Variants in PDE6B observed in about 807,000 individuals in gnomAD.
PDE6B encodes the protein rod cGMP-specific 3',5'-cyclic phosphodiesterase subunit beta.
Under a neutral mutation model 109.0 loss-of-function variants are expected in PDE6B, and 106 were observed. That is an observed-to-expected ratio of 0.97 (90% CI 0.83 to 1.14). PDE6B has a LOEUF of 1.14. Ranked by LOEUF, PDE6B falls within the 50% of genes most tolerant of loss-of-function variation. The pLI, the probability that PDE6B is intolerant of heterozygous loss-of-function variation, is 0.00. For synonymous variants in PDE6B, 490 were observed against 471.3 expected, an observed-to-expected ratio of 1.04 and a Z score of -0.51; for missense variants, 1,193 against 1,155.6, an observed-to-expected ratio of 1.03 and a Z score of -0.47.
At chr4:639,532 G>A (rs1440345204) in intron 3 of PDE6B, among the ~76,000 whole-genome samples, 1 of 152,226 alleles carries the variant, frequency 6.6e-6, no homozygotes, top group Non-Finnish European at 1.5e-5. Flanking sequence ...AGGGGGAGAA[G>A]TGGGGAGCCC....
At chr4:640,408 G>T (rs556963879) in intron 3 of PDE6B, among the ~76,000 whole-genome samples, 1 of 151,890 alleles carries the variant, frequency 6.6e-6, no homozygotes, top group African/African-American at 2.4e-5. Context: ...GCATGGTGGC[G>T]GGCACCTGTA....
rs762197931 is a variant in PDE6B at position 664,864 on chromosome 4, C to G, written c.2130-17C>G. ...AGGAGACGCCCATCAGCACTCGTGC[C>G]CGGTTTGTGTCTGCAGGGCCATGAT... On this transcript the variant is annotated splice_polypyrimidine_tract_variant and intron_variant, in intron 17 of 21. Coordinates refer to ENST00000496514, the MANE Select transcript of PDE6B (RefSeq NM_000283.4). 3 of 1,610,802 alleles carry G rather than the reference C, an allele frequency of 1.9e-6. No individual in the cohort carries two copies. The African/African-American group carries it at 4.0e-5, about 21-fold the overall frequency.
chr4:663,831 A>G lies in PDE6B; in HGVS notation c.1982A>G (p.Asp661Gly). 1 of 1,612,266 alleles carries G rather than the reference A, an allele frequency of 6.2e-7. No homozygotes were observed. Among genetic ancestry groups the G allele is most frequent in the Non-Finnish European group, 8.5e-7 (1 of 1,179,324 alleles). The change falls in exon 16 of 22, where the codon GAC becomes GGC. Residue 661 changes from aspartate to glycine, a missense_variant. Physicochemically the swap from Asp to Gly is moderately conservative, Grantham distance 94. Coordinates refer to ENST00000496514, the MANE Select transcript of PDE6B (RefSeq NM_000283.4). The surrounding 1 kb of genome is among the most constrained non-coding windows in gnomAD (Gnocchi z 4.0). The part of the protein sequence containing the change: ...RQHEHVIHLM[D>G]IAIIATDLAL... Reference sequence around the variant, plus strand: ...CACGAGCACGTGATCCACCTGATGGACATCGCCATCATCGCCACGGACCTG... The same window carrying G: ...CACGAGCACGTGATCCACCTGATGGGCATCGCCATCATCGCCACGGACCTG...
rs1272997757 is a variant in PDE6B at position 662,357 on chromosome 4, G to T, written c.1722+116G>T. The T allele has an allele frequency of 8.5e-6, 7 of 823,910 alleles. No individual in the cohort carries two copies. The highest frequency in any genetic ancestry group is 1.4e-5 in the Non-Finnish European group (7 of 486,764). 51.0% of individuals were successfully genotyped at this position (823,910 alleles called of 1,614,324 possible). A position where few individuals can be genotyped will look rare whatever the true frequency, so the allele number is the denominator to read the frequency against. ...TCCCAGGGCAGAAGGATGGAGGAGGGCAACGCCCTCTGACACCGTGCACCG... is the reference window on the plus strand; with the variant it reads ...TCCCAGGGCAGAAGGATGGAGGAGGTCAACGCCCTCTGACACCGTGCACCG... On this transcript the variant is annotated intron_variant, in intron 13 of 21. Coordinates refer to ENST00000496514, the MANE Select transcript of PDE6B (RefSeq NM_000283.4). This position sits in a 1 kb window ranked among gnomAD's most constrained non-coding sequence, Gnocchi z 4.3.
intron 3 of PDE6B, among the ~76,000 whole-genome samples, chr4:640,384 T>C (rs1224543546): frequency 2.6e-5 from 4 of 151,422 alleles, no homozygotes; most frequent in Non-Finnish European, 4.4e-5. Flanking sequence ...AAAAAAAATA[T>C]GAAAATTAGC....
rs1413886785 is a variant in PDE6B, at chr4:656,248, T to G, written c.1063T>G (p.Cys355Gly). ...CGTTTTTCTGATGCTTTTTCAGATT[T>G]GTAACATCATGAATGCTTCCGCTGA... ...PSYVAESGFI[C>G]NIMNASADEM... The change falls in exon 8 of 22, where the codon TGT becomes GGT. Residue 355 changes from cysteine (C) to glycine (G), a missense_variant. By Grantham distance (159) the Cys-to-Gly change is radical (BLOSUM62 -3). Coordinates refer to ENST00000496514, the MANE Select transcript of PDE6B (RefSeq NM_000283.4). 1.0e-5 allele frequency: 16 copies of G among 1,595,238 alleles called. No homozygotes were observed. The highest frequency in any genetic ancestry group is 1.4e-5 in the Non-Finnish European group (16 of 1,162,930).
Position 656,292 on chromosome 4 carries a change from G to A in PDE6B, c.1107G>A (p.Gln369=). Residue 369 remains glutamine, a splice_region_variant and synonymous_variant, in exon 8 of 22, where the codon CAG becomes CAA. Coordinates refer to ENST00000496514, the MANE Select transcript of PDE6B (RefSeq NM_000283.4). ...NASADEMFKF[Q]EGALDDSGWL... ...CCGCTGACGAAATGTTCAAATTTCA[G>A]GTATCTGTCTGTGCCTTGGTAGAAA... 6.5e-7 allele frequency: 1 copy of A among 1,547,272 alleles called. No individual in the cohort carries two copies. The highest frequency in any genetic ancestry group is 8.9e-7 in the Non-Finnish European group (1 of 1,119,138).
At position 666,519 on chromosome 4, in the gene PDE6B, TCC is replaced by T; in HGVS notation, c.2269-11_2269-10del. 2 of 1,602,292 alleles carry T rather than the reference TCC, an allele frequency of 1.2e-6. No individual in the cohort carries two copies. The highest frequency in any genetic ancestry group is 1.7e-6 in the Non-Finnish European group (2 of 1,169,888). ...TGGTCACTGTTCTCCCGCCCTCTGT[TCC>T]TCCCACCAGCCTATGATGGACCGGA... On this transcript the variant is annotated splice_polypyrimidine_tract_variant and intron_variant, in intron 19 of 21. Coordinates refer to ENST00000496514, the MANE Select transcript of PDE6B (RefSeq NM_000283.4). The surrounding 1 kb of genome is among the most constrained non-coding windows in gnomAD (Gnocchi z 5.6).
chr4:647,475 C>T (rs1735261540), intron 3 of PDE6B, among the ~76,000 whole-genome samples: 1 of 151,994 alleles, frequency 6.6e-6, no homozygotes. Flanking sequence ...TACCACACAC[C>T]GAGCACCTGA....
intron 12 of PDE6B, 139 bp downstream of exon 12, chr4:660,752 A>AG (rs1736970625): frequency 1.3e-6 from 1 of 746,076 alleles, no homozygotes; most frequent in Admixed American, 2.0e-5. Flanking sequence ...GGAAGTTTAG[A>AG]GGGCCGACAT....
Position 670,073 on chromosome 4 carries a change from C to G in PDE6B, c.2531C>G (p.Pro844Arg), listed in dbSNP as rs2109297302. Residue 844 changes from proline (P) to arginine (R), a missense_variant, in exon 22 of 22, where the codon CCA becomes CGA. Physicochemically the swap from Pro to Arg is moderately radical, Grantham distance 103 (BLOSUM62 -2). Coordinates refer to ENST00000496514, the MANE Select transcript of PDE6B (RefSeq NM_000283.4). ...KVGTEICNGG[P>R]APKSSTCCIL is the part of the protein sequence containing the mutation. ...GGCACAGAAATTTGCAATGGCGGCCCAGCACCCAAGTCTTCAACCTGCTGT... is the reference window on the plus strand; with the variant it reads ...GGCACAGAAATTTGCAATGGCGGCCGAGCACCCAAGTCTTCAACCTGCTGT... 1 of 1,613,198 alleles carries G rather than the reference C, an allele frequency of 6.2e-7. No homozygotes were observed. The highest frequency in any genetic ancestry group is 2.2e-5 in the East Asian group (1 of 44,880).
At chr4:630,538 G>A (rs1249656999) in intron 1 of PDE6B, among the ~76,000 whole-genome samples, 1 of 152,220 alleles carries the variant, frequency 6.6e-6, no homozygotes, top group African/African-American at 2.4e-5. Flanking sequence ...TCCCTGTGGT[G>A]TTAGGGAAGC....
intron 3 of PDE6B, among the ~76,000 whole-genome samples, chr4:639,946 C>T (rs960150620): frequency 5.3e-5 from 8 of 151,942 alleles, no homozygotes; most frequent in African/African-American, 1.5e-4. Context: ...TGCAGTGAGC[C>T]GAGATCACCC....
chr4:658,042 G>A (rs1259048048), intron 10 of PDE6B, among the ~76,000 whole-genome samples: 2 of 137,006 alleles, frequency 1.5e-5, no homozygotes, highest in Non-Finnish European at 3.1e-5. Flanking sequence ...AGGGGTCACG[G>A]CTGTGTGGTG....
intron 3 of PDE6B, among the ~76,000 whole-genome samples, chr4:644,525 G>T (rs553783928): frequency 6.6e-5 from 10 of 151,518 alleles, no homozygotes; most frequent in East Asian, 1.9e-4. Flanking sequence ...CAGTGTTTTT[G>T]TTTTTTTTAT....
chr4:659,578 T>G (rs184202581), intron 11 of PDE6B, among the ~76,000 whole-genome samples: 44 of 151,524 alleles, frequency 2.9e-4, no homozygotes, highest in Middle Eastern at 3.4e-3. Flanking sequence ...TGTGGGTGTG[T>G]GTGTGCACAT....
Position 656,890 on chromosome 4 carries a change from A to G in PDE6B, c.1124A>G (p.Asp375Gly). 1.9e-6 allele frequency: 3 copies of G among 1,612,776 alleles called. No homozygotes were observed. The highest frequency in any genetic ancestry group is 1.7e-6 in the Non-Finnish European group (2 of 1,179,948). ...CTCCCGCAGGAAGGGGCCCTGGACG[A>G]CTCCGGGTGGCTCATCAAGAATGTG... is the stretch of plus-strand genomic sequence containing the variant. Reference protein sequence around the residue: ...MFKFQEGALDDSGWLIKNVLS... With the variant: ...MFKFQEGALDGSGWLIKNVLS... Residue 375 changes from aspartate (D) to glycine (G), a missense_variant, in exon 9 of 22, where the codon GAC (aspartate) becomes GGC (glycine). Transcript: ENST00000496514.
At chr4:653,743 G>T in intron 3 of PDE6B, 109 bp from the exon 4 acceptor site, 1 of 1,243,844 alleles carries the variant, frequency 8.0e-7, no homozygotes, top group African/African-American at 1.5e-5. Context: ...CAGGTGGTCA[G>T]ATCAGGGAGC....
chr4:657,822 C>CG (rs1736502027), intron 10 of PDE6B, among the ~76,000 whole-genome samples: 1 of 75,820 alleles, frequency 1.3e-5, no homozygotes, highest in Non-Finnish European at 2.5e-5. Context: ...GGCTGTGCGG[C>CG]GGGGGCAGGT....
Sources: gnomAD v4.1 joint callset for allele counts (sites outside exome capture counted in the v4.1 genomes callset) on GRCh38, gnomAD v4.1.1 for gene constraint, Gnocchi (gnomAD v3.1) non-coding constraint, MANE v1.5 for transcripts, NCBI Gene and HGNC (gene_info 2026-07-23, HGNC 2026-07-21) for gene names.